CHST8: variants seen among roughly 807,000 people sequenced by gnomAD.
CHST8 encodes GALNAC-4-ST1.
A neutral mutation model predicts 15.0 loss-of-function variants in CHST8; 10 were observed. The observed-to-expected ratio is 0.67, with a 90% CI of 0.41 to 1.13. The LOEUF (loss-of-function observed/expected upper bound fraction) is 1.13, where lower values mean the gene tolerates loss of function less well. CHST8 is among the 50% of genes most tolerant of loss of function. The pLI, the probability that CHST8 is intolerant of heterozygous loss-of-function variation, is 0.00. For missense variants in CHST8, 634 were observed against 608.2 expected (o/e 1.04, Z -0.45); for synonymous variants, 259 against 256.6 (o/e 1.01, Z -0.09).
intron 1 of CHST8, among the ~76,000 whole-genome samples, chr19:33,663,127 G>T (rs560698670): frequency 6.6e-6 from 1 of 152,048 alleles, no homozygotes; most frequent in Admixed American, 6.6e-5. Flanking sequence ...GGAGCCTGCC[G>T]TCCATCCACT....
chr19:33,650,442 G>T (rs1354019282), intron 1 of CHST8, among the ~76,000 whole-genome samples: 1 of 143,802 alleles, frequency 7.0e-6, no homozygotes, highest in African/African-American at 2.6e-5. Context: ...AAATTATCAA[G>T]TTGGAAGGAT....
At chr19:33,723,617 G>A (rs1299754394) in intron 3 of CHST8, among the ~76,000 whole-genome samples, 1 of 152,206 alleles carries the variant, frequency 6.6e-6, no homozygotes, top group African/African-American at 2.4e-5. Context: ...GCAGGTGCCT[G>A]TAGAAGGAAG....
rs71304798 is a variant in CHST8, at chr19:33,765,070, A to ATG, written c.131-6342_131-6341insGT. 5.3e-5 allele frequency among the ~76,000 whole-genome samples: 6 copies of ATG among 113,156 alleles called. 1 individual carries two copies. The highest frequency in any genetic ancestry group is 2.4e-4 in the South Asian group (1 of 4,086). The allele number at this position is 113,156 out of a possible 152,430, so 74.2% of individuals were successfully genotyped here. On this transcript the variant is annotated intron_variant, in intron 3 of 4. Transcript: ENST00000650847. ...TATTCCATCATATATATATATATAT[A>ATG]TATCAGAGTTTCTTTATCCACTCGT...
intron 1 of CHST8, among the ~76,000 whole-genome samples, chr19:33,661,556 C>G (rs902736614): frequency 6.6e-6 from 1 of 152,152 alleles, no homozygotes. Context: ...GTGGCCTAGC[C>G]CCCCATGGCT....
At position 33,773,098 on chromosome 19, in the gene CHST8, G is replaced by C. The variant is rs374880123; in HGVS notation, c.*35G>C. Reference sequence around the variant, plus strand: ...CAGCTGGCCGGGGCCGCCCTGCCCCGGTCACTCACCTGTGCTCCCGGGCAT... The same window carrying C: ...CAGCTGGCCGGGGCCGCCCTGCCCCCGTCACTCACCTGTGCTCCCGGGCAT... On this transcript the variant is annotated 3_prime_UTR_variant, in exon 5 of 5. Transcript: ENST00000650847. 199 of 1,549,984 alleles carry C rather than the reference G, an allele frequency of 1.3e-4. 1 individual carries two copies. The East Asian group carries it at 3.9e-3, about 30-fold the overall frequency.
At chr19:33,700,718 A>AT (rs1302068112) in intron 3 of CHST8, among the ~76,000 whole-genome samples, 1 of 152,082 alleles carries the variant, frequency 6.6e-6, no homozygotes, top group Non-Finnish European at 1.5e-5. Flanking sequence ...ATTATGCACA[A>AT]TTGGAGGTGG....
intron 3 of CHST8, among the ~76,000 whole-genome samples, chr19:33,760,949 T>C (rs1276583648): frequency 6.6e-6 from 1 of 152,194 alleles, no homozygotes; most frequent in Non-Finnish European, 1.5e-5. Flanking sequence ...GTACCTAAGA[T>C]GCTACTGGCC....
intron 2 of CHST8, among the ~76,000 whole-genome samples, chr19:33,687,979 C>T (rs954394288): frequency 4.6e-5 from 7 of 152,244 alleles, no homozygotes; most frequent in Non-Finnish European, 1.0e-4. Flanking sequence ...CCTCACCTCC[C>T]TCAGGCACTG....
chr19:33,743,304 T>G (rs950309829), intron 3 of CHST8, among the ~76,000 whole-genome samples: 4 of 146,594 alleles, frequency 2.7e-5, no homozygotes, highest in African/African-American at 1.0e-4. Flanking sequence ...TTCTTTTTTT[T>G]TTTTTTTTTT....
At chr19:33,770,121 C>G (rs190937788) in intron 3 of CHST8, among the ~76,000 whole-genome samples, 45 of 152,346 alleles carry the variant, frequency 3.0e-4, no homozygotes, top group African/African-American at 1.1e-3. Flanking sequence ...GTCTGTAAAA[C>G]TGGACCTCAT....
chr19:33,683,665 C>T (rs148477428), intron 2 of CHST8, among the ~76,000 whole-genome samples: 5 of 152,334 alleles, frequency 3.3e-5, no homozygotes, highest in South Asian at 2.1e-4. Context: ...TCTATTAACT[C>T]GTGCTCATTC....
In CHST8 at chr19:33,642,218, C is replaced by T. The variant is rs528189265; in HGVS notation, c.-164+19922C>T. Among the ~76,000 whole-genome samples, 23 of 152,254 alleles carry T rather than the reference C, an allele frequency of 1.5e-4. 1 individual carries two copies. Among genetic ancestry groups the T allele is most frequent in the African/African-American group, 1.7e-4 (7 of 41,534 alleles). On this transcript the variant is annotated intron_variant, in intron 1 of 4. Coordinates refer to ENST00000650847, the MANE Select transcript of CHST8 (RefSeq NM_001127895.2). The stretch of plus-strand genomic sequence containing the variant: ...ACCTCTGGGACTGCAGATGGGTGGG[C>T]GACTGGCTGGGCTCTGTGTGCCTCT...
intron 3 of CHST8, among the ~76,000 whole-genome samples, chr19:33,689,708 G>C (rs749523565): frequency 3.3e-5 from 5 of 152,186 alleles, no homozygotes; most frequent in Non-Finnish European, 7.3e-5. Flanking sequence ...CACCTCTCAG[G>C]CCTCTTCCAC....
At chr19:33,658,335 G>A (rs561773487) in intron 1 of CHST8, among the ~76,000 whole-genome samples, 102 of 152,046 alleles carry the variant, frequency 6.7e-4, no homozygotes, top group African/African-American at 2.3e-3. Context: ...GTGAAACTCC[G>A]TCCCAAAAAA....
chr19:33,682,340 A>C (rs947529119), intron 2 of CHST8, among the ~76,000 whole-genome samples: 2 of 151,566 alleles, frequency 1.3e-5, no homozygotes, highest in African/African-American at 4.9e-5. Flanking sequence ...ACATGCAGCT[A>C]ATTTTTGTAA....
rs775881858 is a variant in CHST8 at position 33,772,403 on chromosome 19, G to C, written c.615G>C (p.Trp205Cys). Residue 205 changes from tryptophan to cysteine, a missense_variant, in exon 5 of 5, where the codon TGG (tryptophan) becomes TGC (cysteine). Transcript: ENST00000650847. The part of the protein sequence containing the change: ...CEVPKAGCSN[W>C]KRVLMVLAGL... ...TGCCCAAGGCCGGCTGCTCCAATTGGAAGCGGGTGCTCATGGTGCTGGCCG... is the reference window on the plus strand; with the variant it reads ...TGCCCAAGGCCGGCTGCTCCAATTGCAAGCGGGTGCTCATGGTGCTGGCCG... 6.2e-7 allele frequency: 1 copy of C among 1,609,982 alleles called. No individual in the cohort carries two copies. The highest frequency in any genetic ancestry group is 1.3e-5 in the African/African-American group (1 of 74,944).
chr19:33,689,446 C>T (rs1973055131), intron 3 of CHST8, 55 bp downstream of exon 3: 5 of 1,494,188 alleles, frequency 3.3e-6, no homozygotes, highest in Non-Finnish European at 4.5e-6. Flanking sequence ...CAGCCTGAAG[C>T]TCAGGCCTCC....
chr19:33,667,736 G>A (rs1296230324), intron 1 of CHST8, 31 bp from the exon 2 acceptor site: 1 of 152,042 alleles, frequency 6.6e-6, no homozygotes, highest in South Asian at 2.1e-4. Context: ...GCTGGAAAAC[G>A]TCTCAGACAC....
At chr19:33,710,819 T>G (rs1237704096) in intron 3 of CHST8, among the ~76,000 whole-genome samples, 1 of 152,116 alleles carries the variant, frequency 6.6e-6, no homozygotes, top group African/African-American at 2.4e-5. Flanking sequence ...TTCAGTAGAT[T>G]TTCTTGAATA....
Sources: allele counts gnomAD v4.1 joint callset (sites outside exome capture counted in the v4.1 genomes callset), GRCh38; gene constraint gnomAD v4.1.1; transcripts MANE v1.5; gene names NCBI Gene and HGNC (gene_info 2026-07-23, HGNC 2026-07-21).